CSMD1: variants seen among roughly 807,000 people sequenced by gnomAD.
The protein encoded by CSMD1 is CUB and Sushi multiple domains 1, also known as CUB and sushi domain-containing protein 1.
CSMD1 carries 213 observed loss-of-function variants against 417.5 expected under a neutral mutation model. The ratio of observed to expected loss-of-function variants is 0.51; its 90% confidence interval spans 0.46 to 0.57. The LOEUF is 0.57. CSMD1 is among the 20% of genes least tolerant of loss of function. The pLI, the probability that CSMD1 is intolerant of heterozygous loss-of-function variation, is 0.00. For missense variants in CSMD1, 6,923 were observed against 4,529.7 expected (o/e 1.53, Z -15.17); for synonymous variants, 2,862 against 1,736.8 (o/e 1.65, Z -16.11).
chr8:4,504,330 T>C (rs1024438966), intron 2 of CSMD1, among the ~76,000 whole-genome samples: 3 of 151,854 alleles, frequency 2.0e-5, no homozygotes, highest in Non-Finnish European at 2.9e-5. Context: ...GAAAGGAAAA[T>C]GGAGAATTGC....
chr8:3,266,701 G>C (rs1051955975), intron 26 of CSMD1, among the ~76,000 whole-genome samples: 1 of 150,718 alleles, frequency 6.6e-6, no homozygotes, highest in Non-Finnish European at 1.5e-5. Context: ...CTTGAACCCA[G>C]GAGGCAGAGT....
chr8:4,189,206 T>C (rs1798869081), intron 3 of CSMD1, among the ~76,000 whole-genome samples: 1 of 152,234 alleles, frequency 6.6e-6, no homozygotes, highest in Non-Finnish European at 1.5e-5. Context: ...TGCAAACTCA[T>C]GTGTGTTTAT....
chr8:4,716,857 G>C (rs1446515616), intron 1 of CSMD1, among the ~76,000 whole-genome samples: 1 of 152,016 alleles, frequency 6.6e-6, no homozygotes, highest in African/African-American at 2.4e-5. Context: ...ACCAAATTTT[G>C]TGTGTATATA....
intron 52 of CSMD1, among the ~76,000 whole-genome samples, chr8:3,005,684 C>G (rs533225518): frequency 1.2e-4 from 18 of 152,248 alleles, no homozygotes; most frequent in African/African-American, 4.1e-4. Flanking sequence ...ATGATTATCT[C>G]GATAGATGCA....
chr8:4,400,754 C>G (rs917419418), intron 3 of CSMD1, among the ~76,000 whole-genome samples: 2 of 142,698 alleles, frequency 1.4e-5, no homozygotes, highest in African/African-American at 5.3e-5. Context: ...AGAGTGCATA[C>G]AGATCAGTTT....
intron 3 of CSMD1, among the ~76,000 whole-genome samples, chr8:4,230,213 T>G (rs958838458): frequency 2.0e-5 from 3 of 152,190 alleles, no homozygotes; most frequent in African/African-American, 7.2e-5. Flanking sequence ...AGTTTCCCTC[T>G]AATCTTAATA....
At chr8:3,816,542 T>C (rs2720737) in intron 5 of CSMD1, among the ~76,000 whole-genome samples, 15,810 of 152,162 alleles carry the variant, frequency 0.1, 1,012 homozygotes, top group East Asian at 0.26. Flanking sequence ...AGTACAAATA[T>C]ACAGGTTAAT....
intron 1 of CSMD1, among the ~76,000 whole-genome samples, chr8:4,921,358 C>T (rs1337539122): frequency 1.3e-5 from 2 of 152,090 alleles, no homozygotes; most frequent in Non-Finnish European, 2.9e-5. Context: ...TTTAATCTTC[C>T]TAAGCTATCT....
At chr8:3,567,143 G>T (rs1318320714) in intron 10 of CSMD1, among the ~76,000 whole-genome samples, 1 of 152,134 alleles carries the variant, frequency 6.6e-6, no homozygotes, top group African/African-American at 2.4e-5. Context: ...GATGAAGCCA[G>T]TATCCTTAGC....
intron 5 of CSMD1, among the ~76,000 whole-genome samples, chr8:3,983,062 C>T (rs971493098): frequency 6.6e-6 from 1 of 152,064 alleles, no homozygotes; most frequent in African/African-American, 2.4e-5. Flanking sequence ...AGTTGGCTGA[C>T]TCTTTTCCCC....
chr8:4,567,270 C>T (rs898314557), intron 2 of CSMD1, among the ~76,000 whole-genome samples: 20 of 152,038 alleles, frequency 1.3e-4, no homozygotes, highest in Admixed American at 9.2e-4. Context: ...ACAATTGTAA[C>T]GATTGTGTTA....
chr8:3,456,352 G>C (rs532277394), intron 12 of CSMD1, among the ~76,000 whole-genome samples: 1 of 151,158 alleles, frequency 6.6e-6, no homozygotes, highest in African/African-American at 2.4e-5. Context: ...AGGTACCTCA[G>C]TTAGAAATGC....
intron 3 of CSMD1, among the ~76,000 whole-genome samples, chr8:4,222,065 T>A (rs1004049883): frequency 1.3e-5 from 2 of 150,264 alleles, no homozygotes; most frequent in Admixed American, 1.3e-4. Flanking sequence ...AGGCCATCAA[T>A]GACTTAGAAA....
At chr8:3,366,399 T>C (rs544370768) in intron 20 of CSMD1, among the ~76,000 whole-genome samples, 14 of 152,296 alleles carry the variant, frequency 9.2e-5, no homozygotes, top group Admixed American at 2.6e-4. Flanking sequence ...AAAATTAGCA[T>C]CTCTGTCATA....
chr8:4,126,195 C>G (rs562143116), intron 3 of CSMD1, among the ~76,000 whole-genome samples: 3 of 152,172 alleles, frequency 2.0e-5, no homozygotes, highest in East Asian at 3.9e-4. Flanking sequence ...ATTAAAAACC[C>G]TGATCCCCAA....
intron 7 of CSMD1, among the ~76,000 whole-genome samples, chr8:3,618,152 C>T (rs2469316): frequency 0.46 from 69,951 of 151,658 alleles, 16,625 homozygotes; most frequent in Middle Eastern, 0.53. Context: ...CAGGCTTGTG[C>T]CACCGTGCCC....
At chr8:4,632,689 A>G (rs1220190812) in intron 2 of CSMD1, among the ~76,000 whole-genome samples, 1 of 152,188 alleles carries the variant, frequency 6.6e-6, no homozygotes, top group East Asian at 1.9e-4. Context: ...AGTTCAAAGG[A>G]GTACAGGCTT....
At position 3,065,312 on chromosome 8, in the gene CSMD1, TAGATAGAC is replaced by T. The variant is rs1225260748; in HGVS notation, c.7475-12673_7475-12666del. ...ATAGATAGATAGATAGGTAGATAGA[TAGATAGAC>T]AGACAGACAACAGATAGAAAGATAG... On this transcript the variant is annotated intron_variant, in intron 49 of 69. Coordinates refer to ENST00000635120, the MANE Select transcript of CSMD1 (RefSeq NM_033225.6). Among the ~76,000 whole-genome samples, 4 of 149,578 alleles carry T rather than the reference TAGATAGAC, an allele frequency of 2.7e-5. No homozygotes were observed. In the East Asian group the frequency reaches 7.7e-4, roughly 29 times the overall value.
intron 25 of CSMD1, among the ~76,000 whole-genome samples, chr8:3,287,283 G>A (rs562584381): frequency 2.6e-5 from 4 of 151,776 alleles, no homozygotes; most frequent in East Asian, 1.9e-4. Flanking sequence ...TTGGTGATTC[G>A]GGCTCTTTTT....
Sources: gnomAD v4.1 joint callset for allele counts (sites outside exome capture counted in the v4.1 genomes callset) on GRCh38, gnomAD v4.1.1 for gene constraint, MANE v1.5 for transcripts, NCBI Gene and HGNC (gene_info 2026-07-23, HGNC 2026-07-21) for gene names.